Variants in MACROD2 observed in about 807,000 individuals in gnomAD.
MACROD2 encodes the protein mono-ADP ribosylhydrolase 2.
Under a neutral mutation model 70.4 loss-of-function variants are expected in MACROD2, and 36 were observed. That is an observed-to-expected ratio of 0.51 (90% CI 0.39 to 0.68). The LOEUF (loss-of-function observed/expected upper bound fraction) is 0.68. MACROD2 is among the 30% of genes least tolerant of loss of function. MACROD2 has a pLI of 0.00. For missense variants in MACROD2, 496 were observed against 538.4 expected (o/e 0.92, Z 0.78); for synonymous variants, 172 against 178.8 (o/e 0.96, Z 0.30).
At chr20:14,564,086 C>T (rs779323147) in intron 4 of MACROD2, among the ~76,000 whole-genome samples, 6 of 151,846 alleles carry the variant, frequency 4.0e-5, no homozygotes, top group Non-Finnish European at 8.8e-5. Context: ...CACAGATATA[C>T]ACTGGGGAAT....
rs182931478 is a variant in MACROD2 at position 14,089,844 on chromosome 20, T to C, written c.271+4116T>C. On this transcript the variant is annotated intron_variant, in intron 3 of 17. Transcript: ENST00000684519. ...TGTGTAAACTTCTCCCAATGGTGGC[T>C]TTGTATATAGCTATAGTACAATATC... Among the ~76,000 whole-genome samples the C allele has an allele frequency of 6.3e-4, 96 of 152,330 alleles. 1 individual carries two copies. The highest frequency in any genetic ancestry group is 2.1e-3 in the African/African-American group (89 of 41,576).
intron 8 of MACROD2, among the ~76,000 whole-genome samples, chr20:15,584,850 C>T (rs967525680): frequency 2.0e-5 from 3 of 152,164 alleles, no homozygotes; most frequent in Non-Finnish European, 4.4e-5. Flanking sequence ...CTATTTTTCC[C>T]TACAATGTCC....
chr20:14,547,171 TGA>T, intron 4 of MACROD2: 1 of 284,878 alleles, frequency 3.5e-6, no homozygotes, highest in Non-Finnish European at 6.2e-6. Flanking sequence ...CGAAGTCAGA[TGA>T]GAGAGCCTGG....
intron 4 of MACROD2, among the ~76,000 whole-genome samples, chr20:14,651,094 A>C (rs75654632): frequency 0.03 from 4,574 of 152,324 alleles, 100 homozygotes; most frequent in Non-Finnish European, 0.044. Context: ...AGGATCAGAT[A>C]AGTTTGGAAG....
At chr20:14,634,523 C>T (rs1821170899) in intron 4 of MACROD2, among the ~76,000 whole-genome samples, 1 of 151,236 alleles carries the variant, frequency 6.6e-6, no homozygotes, top group African/African-American at 2.4e-5. Context: ...ACAATTTTGG[C>T]TTTTTCCTTC....
chr20:15,232,070 CCCTT>C (rs980097902), intron 6 of MACROD2, among the ~76,000 whole-genome samples: 1 of 151,888 alleles, frequency 6.6e-6, no homozygotes, highest in African/African-American at 2.4e-5. Flanking sequence ...CTCCCTCCTT[CCCTT>C]CCTTCCTTTC....
At chr20:14,143,541 ATGAC>A (rs2054904416) in intron 3 of MACROD2, among the ~76,000 whole-genome samples, 1 of 152,048 alleles carries the variant, frequency 6.6e-6, no homozygotes, top group Non-Finnish European at 1.5e-5. Context: ...TTCCTGTTTG[ATGAC>A]CACTTGCTTG....
chr20:14,723,338 G>T (rs775618092), intron 5 of MACROD2, among the ~76,000 whole-genome samples: 2 of 151,816 alleles, frequency 1.3e-5, no homozygotes, highest in Non-Finnish European at 2.9e-5. Flanking sequence ...GGAAATGAGG[G>T]GACTAGAAAA....
At chr20:14,987,684 A>G (rs1431943853) in intron 5 of MACROD2, among the ~76,000 whole-genome samples, 1 of 152,162 alleles carries the variant, frequency 6.6e-6, no homozygotes, top group Non-Finnish European at 1.5e-5. Flanking sequence ...TACTCTGTAG[A>G]CACATTTCAT....
chr20:14,121,634 A>C (rs1261764846), intron 3 of MACROD2, among the ~76,000 whole-genome samples: 2 of 152,264 alleles, frequency 1.3e-5, no homozygotes, highest in Admixed American at 6.5e-5. Context: ...AAGTAGTATT[A>C]TACTTTGGTC....
intron 3 of MACROD2, among the ~76,000 whole-genome samples, chr20:14,453,961 A>T (rs62204403): frequency 0.16 from 23,587 of 151,794 alleles, 2,618 homozygotes; most frequent in Non-Finnish European, 0.23. Context: ...CCCCTATTAC[A>T]TTATGTTTTA....
At chr20:14,426,763 C>A (rs2083938383) in intron 3 of MACROD2, among the ~76,000 whole-genome samples, 1 of 152,124 alleles carries the variant, frequency 6.6e-6, no homozygotes. Context: ...TCAGAGCCCC[C>A]ATTAGGGAGG....
chr20:15,864,272 T>C (rs951688263), intron 9 of MACROD2, among the ~76,000 whole-genome samples: 1 of 152,194 alleles, frequency 6.6e-6, no homozygotes, highest in Non-Finnish European at 1.5e-5. Context: ...ACTTGCTTTA[T>C]GACAATATTG....
chr20:14,162,123 G>A (rs2055199268), intron 3 of MACROD2, among the ~76,000 whole-genome samples: 1 of 151,990 alleles, frequency 6.6e-6, no homozygotes, highest in Non-Finnish European at 1.5e-5. Context: ...TTTCATCCTT[G>A]ACCGAGTGGT....
intron 5 of MACROD2, among the ~76,000 whole-genome samples, chr20:15,085,510 C>G (rs1050017792): frequency 2.0e-5 from 3 of 151,850 alleles, no homozygotes; most frequent in Non-Finnish European, 4.4e-5. Flanking sequence ...GGGTCTCATA[C>G]CTAGCATACA....
At chr20:14,295,498 C>T (rs1333816998) in intron 3 of MACROD2, among the ~76,000 whole-genome samples, 1 of 149,750 alleles carries the variant, frequency 6.7e-6, no homozygotes, top group Non-Finnish European at 1.5e-5. Flanking sequence ...ATTGAGGAGG[C>T]GGAGACTGGA....
intron 5 of MACROD2, among the ~76,000 whole-genome samples, chr20:14,901,637 T>A (rs1476878256): frequency 6.6e-6 from 1 of 152,150 alleles, no homozygotes. Context: ...ATATGCTGTA[T>A]ATTTAAAATT....
At chr20:14,156,271 AT>A (rs1259207786) in intron 3 of MACROD2, among the ~76,000 whole-genome samples, 4 of 152,202 alleles carry the variant, frequency 2.6e-5, no homozygotes, top group South Asian at 2.1e-4. Flanking sequence ...CTTTCACTGC[AT>A]TTTTTGGCTC....
chr20:15,504,281 A>C (rs559336827), intron 8 of MACROD2, among the ~76,000 whole-genome samples: 1 of 152,304 alleles, frequency 6.6e-6, no homozygotes, highest in East Asian at 1.9e-4. Context: ...AGGACTCAGA[A>C]ACCCGAGGGG....
Sources: allele counts gnomAD v4.1 joint callset (sites outside exome capture counted in the v4.1 genomes callset), GRCh38; gene constraint gnomAD v4.1.1; transcripts MANE v1.5; gene names NCBI Gene and HGNC (gene_info 2026-07-23, HGNC 2026-07-21).